Variants in MYO1D observed in about 807,000 individuals in gnomAD.
The protein encoded by MYO1D is myosin ID, also known as unconventional myosin-Id.
Under a neutral mutation model 122.0 loss-of-function variants are expected in MYO1D, and 83 were observed. The observed-to-expected ratio is 0.68, with a 90% CI of 0.57 to 0.82. The LOEUF (loss-of-function observed/expected upper bound fraction) is 0.82, where lower values mean the gene tolerates loss of function less well. Ranked by LOEUF, MYO1D falls within the 40% of genes least tolerant of loss-of-function variation. MYO1D has a pLI of 0.00. For synonymous variants in MYO1D, 464 were observed against 446.9 expected (o/e 1.04, Z -0.48); for missense variants, 1,157 against 1,269.5 (o/e 0.91, Z 1.35).
At position 32,738,719 on chromosome 17, in the gene MYO1D, G is replaced by A. The variant is rs143214213; in HGVS notation, c.1614-334C>T. ...ATATATAAAACAAATTCATTTTTGT[G>A]ATGGTTAGAAAATGAGGACAAACCA... On this transcript the variant is annotated intron_variant, in intron 13 of 21. Transcript: ENST00000318217. 2.3e-3 allele frequency among the ~76,000 whole-genome samples: 344 copies of A among 152,148 alleles called. 1 individual carries two copies. The highest frequency in any genetic ancestry group is 7.4e-3 in the African/African-American group (308 of 41,498).
intron 21 of MYO1D, among the ~76,000 whole-genome samples, chr17:32,519,713 G>A (rs1372297678): frequency 6.6e-6 from 1 of 152,072 alleles, no homozygotes; most frequent in Non-Finnish European, 1.5e-5. Flanking sequence ...TCTTTCCCGA[G>A]AAGGTGATGA....
chr17:32,533,787 T>C (rs1910580259), intron 21 of MYO1D, among the ~76,000 whole-genome samples: 2 of 152,146 alleles, frequency 1.3e-5, no homozygotes, highest in South Asian at 4.1e-4. Context: ...ACACACACTT[T>C]CTTCTTTGCC....
intron 16 of MYO1D, among the ~76,000 whole-genome samples, chr17:32,659,826 G>A (rs2088535122): frequency 6.6e-6 from 1 of 152,018 alleles, no homozygotes; most frequent in Non-Finnish European, 1.5e-5. Flanking sequence ...CTCCTCTCCC[G>A]CGGCACTATG....
chr17:32,667,979 C>G (rs183725197), intron 16 of MYO1D, among the ~76,000 whole-genome samples: 1 of 152,098 alleles, frequency 6.6e-6, no homozygotes, highest in Non-Finnish European at 1.5e-5. Flanking sequence ...AAACCCAAAT[C>G]GCAATTATTT....
chr17:32,558,341 C>G (rs73276378), intron 21 of MYO1D, among the ~76,000 whole-genome samples: 80 of 152,316 alleles, frequency 5.3e-4, no homozygotes, highest in African/African-American at 1.8e-3. Flanking sequence ...CAAGGCTTTG[C>G]TCTCAGAAGA....
At position 32,772,871 on chromosome 17, in the gene MYO1D, C is replaced by T. The variant is rs150958428; in HGVS notation, c.565-29G>A. 4.4e-5 allele frequency: 70 copies of T among 1,597,300 alleles called. No individual in the cohort carries two copies. In the East Asian group the frequency reaches 1.5e-3, roughly 34 times the overall value. ...AGAAAAAACACATTAAAATGGTTAA[C>T]CCGAAAATGTGCCCCTAAAATAAAA... On this transcript the variant is annotated intron_variant, in intron 4 of 21. Transcript: ENST00000318217.
chr17:32,763,991 C>T (rs1395094310), intron 8 of MYO1D, among the ~76,000 whole-genome samples: 1 of 152,106 alleles, frequency 6.6e-6, no homozygotes, highest in East Asian at 1.9e-4. Context: ...CCAGCTGAAA[C>T]AAAAGCACTA....
intron 1 of MYO1D, among the ~76,000 whole-genome samples, chr17:32,842,030 T>C (rs1166764423): frequency 6.6e-6 from 1 of 152,206 alleles, no homozygotes; most frequent in Non-Finnish European, 1.5e-5. Context: ...TTAGCAATTA[T>C]ACATTTATTT....
intron 20 of MYO1D, among the ~76,000 whole-genome samples, chr17:32,610,629 G>A (rs2087688513): frequency 6.6e-6 from 1 of 152,088 alleles, no homozygotes; most frequent in African/African-American, 2.4e-5. Flanking sequence ...TACCTTGCAG[G>A]GTTGTGGTAA....
intron 16 of MYO1D, among the ~76,000 whole-genome samples, chr17:32,711,640 C>T (rs140368360): frequency 1.3e-4 from 19 of 151,088 alleles, no homozygotes; most frequent in Middle Eastern, 3.4e-3. Context: ...AGTGAGACTC[C>T]GTCTCGGGGG....
At chr17:32,842,355 G>A (rs1004207413) in intron 1 of MYO1D, among the ~76,000 whole-genome samples, 4 of 152,162 alleles carry the variant, frequency 2.6e-5, no homozygotes, top group Non-Finnish European at 5.9e-5. Flanking sequence ...TTCCGAGACA[G>A]TTAATCCCAG....
rs965070648 is a variant in MYO1D at position 32,677,612 on chromosome 17, T to G, written c.2122-18274A>C. Among the ~76,000 whole-genome samples, 83 of 137,120 alleles carry G rather than the reference T, an allele frequency of 6.1e-4. 1 individual carries two copies. The highest frequency in any genetic ancestry group is 2.3e-3 in the African/African-American group (78 of 33,620). 90.0% of individuals were successfully genotyped at this position (137,120 alleles called of 152,430 possible). On this transcript the variant is annotated intron_variant, in intron 16 of 21. Coordinates refer to ENST00000318217, the MANE Select transcript of MYO1D (RefSeq NM_015194.3). The stretch of plus-strand genomic sequence containing the variant: ...ATATATATATATATATATATATATA[T>G]ATATATATATGCACACAGACATATA...
At chr17:32,816,376 T>C (rs551973300) in intron 1 of MYO1D, among the ~76,000 whole-genome samples, 5 of 151,890 alleles carry the variant, frequency 3.3e-5, no homozygotes, top group Admixed American at 2.0e-4. Flanking sequence ...TACATAAGGG[T>C]TAGGCAGCTA....
In MYO1D at chr17:32,632,081, C is replaced by T. The variant is rs187596486; in HGVS notation, c.2709+6641G>A. On this transcript the variant is annotated intron_variant, in intron 20 of 21. Coordinates refer to ENST00000318217, the MANE Select transcript of MYO1D (RefSeq NM_015194.3). Reference sequence around the variant, plus strand: ...AGAAAATATATTCTCCTAAAGCTTGCACCCAATTATAGCTCCTTATAAGTG... The same window carrying T: ...AGAAAATATATTCTCCTAAAGCTTGTACCCAATTATAGCTCCTTATAAGTG... Among the ~76,000 whole-genome samples, 37 of 149,190 alleles carry T rather than the reference C, an allele frequency of 2.5e-4. No homozygotes were observed. The East Asian group carries it at 6.8e-3, about 27-fold the overall frequency.
chr17:32,647,680 C>G (rs1431683801), intron 19 of MYO1D, among the ~76,000 whole-genome samples: 2 of 127,286 alleles, frequency 1.6e-5, no homozygotes, highest in Non-Finnish European at 3.2e-5. Context: ...GACATTATAG[C>G]TTATACATTT....
intron 16 of MYO1D, among the ~76,000 whole-genome samples, chr17:32,663,746 G>T (rs1033170981): frequency 6.6e-6 from 1 of 152,106 alleles, no homozygotes; most frequent in Non-Finnish European, 1.5e-5. Context: ...GAAGGTGTGG[G>T]GTATTCTAAG....
chr17:32,864,039 T>TTTTTTTTTTTTTTTTG (rs2091102539), intron 1 of MYO1D, among the ~76,000 whole-genome samples: 1 of 126,264 alleles, frequency 7.9e-6, no homozygotes, highest in African/African-American at 2.8e-5. Flanking sequence ...TTTTTTTTTT[T>TTTTTTTTTTTTTTTTG]TTTTTGGTGT....
At chr17:32,832,183 G>A (rs1044851604) in intron 1 of MYO1D, among the ~76,000 whole-genome samples, 6 of 151,410 alleles carry the variant, frequency 4.0e-5, no homozygotes, top group Non-Finnish European at 8.8e-5. Flanking sequence ...ATGGCTCACT[G>A]CAGCCTCAGC....
intron 1 of MYO1D, among the ~76,000 whole-genome samples, chr17:32,801,808 C>G (rs1381830580): frequency 6.6e-6 from 1 of 152,086 alleles, no homozygotes; most frequent in Admixed American, 6.6e-5. Context: ...TTTCTAAATG[C>G]TATACTAAAG....
Sources: gnomAD v4.1 joint callset for allele counts (sites outside exome capture counted in the v4.1 genomes callset) on GRCh38, gnomAD v4.1.1 for gene constraint, MANE v1.5 for transcripts, NCBI Gene and HGNC (gene_info 2026-07-23, HGNC 2026-07-21) for gene names.